OR51B5: variants seen among roughly 807,000 people sequenced by gnomAD.
The protein encoded by OR51B5 is olfactory receptor 51B5.
For missense variants in OR51B5, 456 were observed against 374.6 expected (o/e 1.22, Z -1.79); for synonymous variants, 186 against 144.8 (o/e 1.28, Z -2.04).
chr11:5,428,278 A>G (rs982059524), intron 1 of OR51B5, among the ~76,000 whole-genome samples: 2 of 152,192 alleles, frequency 1.3e-5, no homozygotes, highest in African/African-American at 4.8e-5. Context: ...ATTGCAAAAA[A>G]AAGAGTCATA....
intron 1 of OR51B5, among the ~76,000 whole-genome samples, chr11:5,370,741 TAATAAAA>T (rs1849434910): frequency 6.6e-6 from 1 of 152,052 alleles, no homozygotes; most frequent in East Asian, 1.9e-4. Flanking sequence ...GGAAAGGAAA[TAATAAAA>T]AAGTGACAAA....
rs543226590 is a variant in OR51B5, at chr11:5,460,544, T to A, written n.84+45025A>T. 6.8e-4 allele frequency among the ~76,000 whole-genome samples: 104 copies of A among 152,314 alleles called. No homozygotes were observed. In the South Asian group the frequency reaches 0.021, roughly 30 times the overall value. On this transcript the variant is annotated intron_variant and non_coding_transcript_variant, in intron 1 of 4. Transcript: ENST00000415970. ...ACCTTCTTCAGTATCTCATTGAGCT[T>A]CCTTGCCATCAGATTCTGAATTCTT... is the stretch of plus-strand genomic sequence containing the variant.
At chr11:5,457,974 C>T (rs533368615) in intron 1 of OR51B5, among the ~76,000 whole-genome samples, 1 of 152,170 alleles carries the variant, frequency 6.6e-6, no homozygotes, top group South Asian at 2.1e-4. Context: ...TTAATGAGTT[C>T]CTACTTGTAT....
At chr11:5,370,524 T>C (rs1382405836) in intron 1 of OR51B5, among the ~76,000 whole-genome samples, 1 of 152,194 alleles carries the variant, frequency 6.6e-6, no homozygotes, top group Non-Finnish European at 1.5e-5. Flanking sequence ...CTCTCTTTCT[T>C]TCATTCTTAC....
At chr11:5,435,042 C>A (rs922383965) in intron 1 of OR51B5, among the ~76,000 whole-genome samples, 1 of 152,082 alleles carries the variant, frequency 6.6e-6, no homozygotes, top group Non-Finnish European at 1.5e-5. Context: ...TGGTGGGGAA[C>A]AGGGGTTAAG....
chr11:5,383,644 T>A (rs1237321463), intron 1 of OR51B5, among the ~76,000 whole-genome samples: 2 of 152,164 alleles, frequency 1.3e-5, no homozygotes, highest in African/African-American at 4.8e-5. Flanking sequence ...AGCCAAAACC[T>A]GGGGACTGAA....
At chr11:5,441,466 T>C (rs747493848) in intron 1 of OR51B5, 2 of 1,613,344 alleles carry the variant, frequency 1.2e-6, no homozygotes, top group Non-Finnish European at 1.7e-6. Context: ...GGAATGCCTG[T>C]CAGCTGGAGT....
chr11:5,445,808 T>C (rs145386312), intron 1 of OR51B5, among the ~76,000 whole-genome samples: 302 of 152,000 alleles, frequency 2.0e-3, no homozygotes, highest in African/African-American at 7.1e-3. Flanking sequence ...GAACTATTTA[T>C]GGAGAAGTGT....
intron 1 of OR51B5, among the ~76,000 whole-genome samples, chr11:5,372,557 T>G (rs11037068): frequency 0.036 from 5,463 of 152,334 alleles, 167 homozygotes; most frequent in Middle Eastern, 0.095. Context: ...CATTTGCATG[T>G]CTTCAGAGAA....
At chr11:5,446,574 C>T (rs925918336) in intron 1 of OR51B5, among the ~76,000 whole-genome samples, 1 of 152,130 alleles carries the variant, frequency 6.6e-6, no homozygotes, top group Non-Finnish European at 1.5e-5. Context: ...CAGTATTTAG[C>T]ATGTTATGGG....
intron 1 of OR51B5, among the ~76,000 whole-genome samples, chr11:5,356,030 A>G (rs1849188677): frequency 6.6e-6 from 1 of 152,076 alleles, no homozygotes; most frequent in Non-Finnish European, 1.5e-5. Context: ...ATGGGGAAAA[A>G]CAGAGCAGAA....
At chr11:5,420,308 A>G (rs901450549) in intron 1 of OR51B5, among the ~76,000 whole-genome samples, 6 of 152,100 alleles carry the variant, frequency 3.9e-5, no homozygotes, top group African/African-American at 1.2e-4. Flanking sequence ...GCATGTTGTC[A>G]TAAAAATTTC....
chr11:5,431,558 G>T lies in OR51B5; in HGVS notation n.84+74011C>A, dbSNP rs560657268. The T allele has an allele frequency of 3.6e-4, 56 of 157,532 alleles. 2 individuals are homozygous for T. In the South Asian group the frequency reaches 9.9e-3, roughly 28 times the overall value. 9.8% of individuals were successfully genotyped at this position (157,532 alleles called of 1,614,324 possible). On this transcript the variant is annotated intron_variant and non_coding_transcript_variant, in intron 1 of 4. Transcript: ENST00000415970. The stretch of plus-strand genomic sequence containing the variant: ...CCTCCAGTCCTGGGATGCCAGTCAG[G>T]AAGACAGATAGGAGGTCAAGACTTT...
At chr11:5,484,829 A>G (rs922425137) in intron 1 of OR51B5, among the ~76,000 whole-genome samples, 20 of 152,214 alleles carry the variant, frequency 1.3e-4, no homozygotes, top group African/African-American at 4.6e-4. Flanking sequence ...ATAAACAAAC[A>G]TTACATATGT....
At chr11:5,352,400 A>C in intron 1 of OR51B5, 1 of 1,612,140 alleles carries the variant, frequency 6.2e-7, no homozygotes, top group Admixed American at 1.7e-5. Flanking sequence ...AAGCAGATTC[A>C]GAGTGGCATA....
At chr11:5,352,398 T>G in intron 1 of OR51B5, 1 of 1,612,488 alleles carries the variant, frequency 6.2e-7, no homozygotes, top group South Asian at 1.1e-5. Context: ...CTAAGCAGAT[T>G]CAGAGTGGCA....
chr11:5,409,508 T>TA (rs5789399), intron 1 of OR51B5, among the ~76,000 whole-genome samples: 237 of 151,836 alleles, frequency 1.6e-3, no homozygotes, highest in African/African-American at 5.3e-3. Flanking sequence ...ATTCTAGAAC[T>TA]AAAAAAAAAT....
exon 1 of OR51B5, chr11:5,343,508 C>T: frequency 9.3e-7 from 1 of 1,076,258 alleles, no homozygotes. Flanking sequence ...GGGATGGGAG[C>T]TGCCGCTGGA....
chr11:5,386,929 T>C (rs1849703433), intron 1 of OR51B5, among the ~76,000 whole-genome samples: 1 of 152,078 alleles, frequency 6.6e-6, no homozygotes, highest in Admixed American at 6.6e-5. Context: ...TGTGAAAAGA[T>C]GGATGCTGGG....
Sources: gnomAD v4.1 joint callset for allele counts (sites outside exome capture counted in the v4.1 genomes callset) on GRCh38, gnomAD v4.1.1 for gene constraint, MANE v1.5 for transcripts, NCBI Gene and HGNC (gene_info 2026-07-23, HGNC 2026-07-21) for gene names.